DAAM2: variants seen among roughly 807,000 people sequenced by gnomAD.
DAAM2 encodes disheveled-associated activator of morphogenesis 2.
In DAAM2, 39 loss-of-function variants were observed where a neutral mutation model predicts 120.7. The observed-to-expected ratio is 0.32, with a 90% CI of 0.25 to 0.42. DAAM2 has a LOEUF of 0.42. Ranked by LOEUF, DAAM2 falls within the 10% of genes least tolerant of loss-of-function variation. The pLI is 1.00. For synonymous variants in DAAM2, 488 were observed against 524.9 expected (o/e 0.93, Z 0.96); for missense variants, 1,283 against 1,401.7 (o/e 0.92, Z 1.35).
chr6:39,827,257 G>T (rs1398803380), intron 1 of DAAM2, among the ~76,000 whole-genome samples: 1 of 131,222 alleles, frequency 7.6e-6, no homozygotes, highest in Non-Finnish European at 1.6e-5. Flanking sequence ...TGCTTCTTGG[G>T]CCTCAGTTTC....
intron 5 of DAAM2, among the ~76,000 whole-genome samples, chr6:39,866,362 A>T (rs1302886353): frequency 6.6e-6 from 1 of 151,914 alleles, no homozygotes; most frequent in Non-Finnish European, 1.5e-5. Flanking sequence ...AAATAGAAAA[A>T]AGTAAAAAAA....
chr6:39,794,082 G>C (rs1211804619), intron 1 of DAAM2, among the ~76,000 whole-genome samples: 2 of 152,224 alleles, frequency 1.3e-5, no homozygotes, highest in Non-Finnish European at 2.9e-5. Flanking sequence ...GGAGCAGGCA[G>C]CAATGTCAGA....
At chr6:39,890,203 T>C (rs1350661135) in intron 17 of DAAM2, among the ~76,000 whole-genome samples, 1 of 152,146 alleles carries the variant, frequency 6.6e-6, no homozygotes, top group African/African-American at 2.4e-5. Context: ...TTCATCCTCA[T>C]TGTCTTCACG....
intron 22 of DAAM2, 116 bp downstream of exon 22, chr6:39,899,053 A>C (rs1290213927): frequency 3.7e-6 from 2 of 538,880 alleles, no homozygotes; most frequent in Non-Finnish European, 6.1e-6. Context: ...CCTCTAGCAC[A>C]GGGTCAGCCC....
intron 19 of DAAM2, among the ~76,000 whole-genome samples, chr6:39,895,361 A>G (rs1766013486): frequency 1.3e-5 from 2 of 151,734 alleles, no homozygotes; most frequent in Admixed American, 6.6e-5. Context: ...TCAGCTTCCC[A>G]AGTAACTGGG....
At chr6:39,896,194 T>TTTTTTTCTTTTTTC (rs59746007) in intron 19 of DAAM2, among the ~76,000 whole-genome samples, 7 of 149,008 alleles carry the variant, frequency 4.7e-5, no homozygotes, top group African/African-American at 9.9e-5. Flanking sequence ...CTGAATAATC[T>TTTTTTTCTTTTTTC]TTTTTTCTTT....
intron 15 of DAAM2, chr6:39,887,141 G>A: frequency 5.1e-6 from 1 of 194,882 alleles, no homozygotes; most frequent in East Asian, 1.4e-4. Flanking sequence ...ATGTCACATT[G>A]CCCAAAGCCA....
intron 3 of DAAM2, chr6:39,861,379 T>TG (rs1764206784): frequency 2.2e-5 from 8 of 366,048 alleles, no homozygotes; most frequent in South Asian, 1.7e-4. Context: ...GAAATCAGTT[T>TG]GGGGGGCAGG....
intron 1 of DAAM2, among the ~76,000 whole-genome samples, chr6:39,836,133 G>A (rs75904581): frequency 3.4e-3 from 513 of 152,186 alleles, no homozygotes; most frequent in African/African-American, 0.012. Flanking sequence ...CCCCTCTGCC[G>A]GCCAGATTCA....
At chr6:39,879,076 C>A in intron 13 of DAAM2, 102 bp from the exon 14 acceptor site, 1 of 750,648 alleles carries the variant, frequency 1.3e-6, no homozygotes, top group Non-Finnish European at 2.1e-6. Flanking sequence ...GGATTTGGGG[C>A]CTAGTATAGA....
At chr6:39,806,244 C>G (rs1053535344) in intron 1 of DAAM2, among the ~76,000 whole-genome samples, 2 of 152,266 alleles carry the variant, frequency 1.3e-5, no homozygotes, top group African/African-American at 4.8e-5. Context: ...CTTAGGATGC[C>G]TCTTTCTCAT....
In DAAM2 at chr6:39,901,205, G is replaced by A. The variant is rs1394323225; in HGVS notation, c.2812-97G>A. ...CTGTGCCAACAGTCCCCAGCCTTGC[G>A]CTGGGCTCTGCTCTGGCTAGAACCC... is the stretch of plus-strand genomic sequence containing the variant. On this transcript the variant is annotated intron_variant, in intron 23 of 24. Coordinates refer to ENST00000274867, the MANE Select transcript of DAAM2 (RefSeq NM_001201427.2). This position sits in a 1 kb window ranked among gnomAD's most constrained non-coding sequence, Gnocchi z 4.5. 2.5e-5 allele frequency: 28 copies of A among 1,137,138 alleles called. No individual in the cohort carries two copies. Among genetic ancestry groups the A allele is most frequent in the East Asian group, 4.8e-5 (2 of 42,072 alleles). 70.4% of individuals were successfully genotyped at this position (1,137,138 alleles called of 1,614,324 possible). A position where few individuals can be genotyped will look rare whatever the true frequency, so the allele number is the denominator to read the frequency against.
In DAAM2 at chr6:39,903,234, C is replaced by T. The variant is rs368638265; in HGVS notation, c.*1197C>T. Reference sequence around the variant, plus strand: ...CCTCCTCTCAGGCGTTCAGATGGTGCGAACAGCAGAGCAGGCAAGGGAAAC... The same window carrying T: ...CCTCCTCTCAGGCGTTCAGATGGTGTGAACAGCAGAGCAGGCAAGGGAAAC... On this transcript the variant is annotated 3_prime_UTR_variant, in exon 25 of 25. Coordinates refer to ENST00000274867, the MANE Select transcript of DAAM2 (RefSeq NM_001201427.2). 24 of 152,452 alleles carry T rather than the reference C, an allele frequency of 1.6e-4. No individual in the cohort carries two copies. Among genetic ancestry groups the T allele is most frequent in the East Asian group, 7.7e-4 (4 of 5,186 alleles). 9.4% of individuals were successfully genotyped at this position (152,452 alleles called of 1,614,324 possible).
intron 7 of DAAM2, among the ~76,000 whole-genome samples, chr6:39,869,698 G>C (rs1217565837): frequency 6.6e-6 from 1 of 151,756 alleles, no homozygotes; most frequent in African/African-American, 2.4e-5. Flanking sequence ...AAGGACAGAG[G>C]GGGCAAAGGG....
intron 1 of DAAM2, among the ~76,000 whole-genome samples, chr6:39,849,194 C>T (rs571570945): frequency 5.3e-5 from 8 of 152,264 alleles, no homozygotes; most frequent in East Asian, 1.9e-4. Context: ...GTGGGCCATA[C>T]GGTCTCTGTT....
intron 11 of DAAM2, among the ~76,000 whole-genome samples, chr6:39,877,508 C>A (rs1447097760): frequency 6.6e-6 from 1 of 152,202 alleles, no homozygotes; most frequent in Non-Finnish European, 1.5e-5. Context: ...CTCTCCCTCT[C>A]CATACTCTGT....
At chr6:39,880,734 AAACACAGTCCATTTGT>A (rs1457873409) in intron 14 of DAAM2, among the ~76,000 whole-genome samples, 3 of 152,202 alleles carry the variant, frequency 2.0e-5, no homozygotes, top group Non-Finnish European at 4.4e-5. Context: ...GATGAAGCAT[AAACACAGTCCATTTGT>A]AGTTTCCCGG....
chr6:39,891,686 C>T lies in DAAM2; in HGVS notation c.2305C>T (p.Gln769Ter). ...LQALFFKKKF[Q>*]ERLAEAKPKV... Reference sequence around the variant, plus strand: ...AGCCCTCTTCTTCAAGAAGAAATTCCAGGAGCGGCTGGCTGAGGCAAAGCC... The same window carrying T: ...AGCCCTCTTCTTCAAGAAGAAATTCTAGGAGCGGCTGGCTGAGGCAAAGCC... The change falls in exon 19 of 25, where the codon CAG becomes TAG. Residue 769 changes from glutamine to a stop codon, truncating the protein, a stop_gained. Coordinates refer to ENST00000274867, the MANE Select transcript of DAAM2 (RefSeq NM_001201427.2). LOFTEE classifies it high-confidence loss of function. The T allele has an allele frequency of 6.2e-7, 1 of 1,609,286 alleles. No homozygotes were observed. Among genetic ancestry groups the T allele is most frequent in the East Asian group, 2.2e-5 (1 of 44,724 alleles).
intron 17 of DAAM2, chr6:39,888,993 T>A (rs1765535796): frequency 3.2e-6 from 1 of 310,738 alleles, no homozygotes; most frequent in African/African-American, 2.1e-5. Context: ...CAAAGTCAGA[T>A]GAGGAAAAGT....
Sources: gnomAD v4.1 joint callset for allele counts (sites outside exome capture counted in the v4.1 genomes callset) on GRCh38, gnomAD v4.1.1 for gene constraint, Gnocchi (gnomAD v3.1) non-coding constraint, MANE v1.5 for transcripts, NCBI Gene and HGNC (gene_info 2026-07-23, HGNC 2026-07-21) for gene names.